The following PCDHA12 variants were observed in gnomAD, a reference collection of about 807,000 sequenced individuals.
The protein encoded by PCDHA12 is protocadherin alpha 12, also known as protocadherin alpha-12.
In PCDHA12, 44 loss-of-function variants were observed where a neutral mutation model predicts 60.0. The observed-to-expected ratio is 0.73, with a 90% confidence interval of 0.58 to 0.94. PCDHA12 has a LOEUF of 0.94. Among genes scored for constraint, PCDHA12 ranks in the 40% least tolerant of loss-of-function variants. The pLI, the probability that PCDHA12 is intolerant of heterozygous loss-of-function variation, is 0.00. For synonymous variants in PCDHA12, 569 were observed against 553.0 expected (o/e 1.03, Z -0.40); for missense variants, 1,276 against 1,239.7 (o/e 1.03, Z -0.44).
intron 1 of PCDHA12, among the ~76,000 whole-genome samples, chr5:140,878,533 CA>C (rs2057632489): frequency 6.6e-6 from 1 of 152,156 alleles, no homozygotes; most frequent in Admixed American, 6.5e-5. Context: ...AACTGTGGCT[CA>C]AACCAGTTTC....
intron 1 of PCDHA12, among the ~76,000 whole-genome samples, chr5:140,966,046 G>A (rs1329363755): frequency 6.6e-6 from 1 of 152,212 alleles, no homozygotes. Context: ...CCCATCGCCA[G>A]TAACCCCAGA....
At chr5:140,882,814 A>T in intron 1 of PCDHA12, 1 of 1,614,248 alleles carries the variant, frequency 6.2e-7, no homozygotes, top group East Asian at 2.2e-5. Context: ...CTTTGGACGC[A>T]CAAAACAGTC....
At chr5:140,925,643 T>TAATAATAATAAG (rs1195362666) in intron 1 of PCDHA12, among the ~76,000 whole-genome samples, 1 of 99,548 alleles carries the variant, frequency 1.0e-5, no homozygotes, top group Non-Finnish European at 2.0e-5. Context: ...ACTTAAAGTA[T>TAATAATAATAAG]AATAATAATA....
At chr5:140,978,782 A>C (rs782295456) in intron 1 of PCDHA12, 167 bp from the exon 2 acceptor site, 1 of 971,546 alleles carries the variant, frequency 1.0e-6, no homozygotes, top group African/African-American at 1.8e-5. Flanking sequence ...TTTTCTTCTA[A>C]AGTGCTATAT....
intron 1 of PCDHA12, chr5:140,929,903 C>T (rs11747154): frequency 0.12 from 17,815 of 152,352 alleles, 1,161 homozygotes; most frequent in Middle Eastern, 0.19. Context: ...ATCTTTAATA[C>T]GATATACCAT....
At chr5:140,887,369 T>C (rs782675531) in intron 1 of PCDHA12, among the ~76,000 whole-genome samples, 1 of 152,200 alleles carries the variant, frequency 6.6e-6, no homozygotes, top group Non-Finnish European at 1.5e-5. Context: ...GTGCTGGGAT[T>C]ACAGGTGTGA....
chr5:140,883,552 G>A, intron 1 of PCDHA12: 2 of 1,614,234 alleles, frequency 1.2e-6, no homozygotes, highest in South Asian at 1.1e-5. Flanking sequence ...TGACCGCGCG[G>A]GACGGGGGCT....
intron 1 of PCDHA12, among the ~76,000 whole-genome samples, chr5:140,945,632 A>G (rs1258111936): frequency 6.6e-6 from 1 of 152,168 alleles, no homozygotes; most frequent in African/African-American, 2.4e-5. Flanking sequence ...GGCATAAAAG[A>G]CATGTAGACC....
At chr5:140,917,352 C>G (rs2078160172) in intron 1 of PCDHA12, among the ~76,000 whole-genome samples, 1 of 141,764 alleles carries the variant, frequency 7.1e-6, no homozygotes, top group African/African-American at 2.6e-5. Context: ...GTGTAGGCTT[C>G]TGTTCCACTA....
chr5:140,946,271 A>G (rs2093916351), intron 1 of PCDHA12, among the ~76,000 whole-genome samples: 1 of 152,058 alleles, frequency 6.6e-6, no homozygotes, highest in Non-Finnish European at 1.5e-5. Context: ...GCGAATTAAA[A>G]CCCCAATGAG....
intron 1 of PCDHA12, among the ~76,000 whole-genome samples, chr5:140,889,804 G>A (rs940898112): frequency 1.3e-5 from 2 of 152,112 alleles, no homozygotes; most frequent in African/African-American, 2.4e-5. Context: ...TGGGATTTAT[G>A]AAGTCAGGTC....
intron 1 of PCDHA12, among the ~76,000 whole-genome samples, chr5:140,960,011 A>G (rs578052753): frequency 1.2e-4 from 18 of 152,350 alleles, no homozygotes; most frequent in Admixed American, 1.0e-3. Flanking sequence ...TCTATTTTGC[A>G]TCATGATTTT....
intron 1 of PCDHA12, among the ~76,000 whole-genome samples, chr5:140,894,375 T>G (rs1246573357): frequency 1.3e-5 from 2 of 152,054 alleles, no homozygotes; most frequent in Non-Finnish European, 2.9e-5. Context: ...ATGGCTCCAA[T>G]TATATTTGTA....
chr5:140,922,063 A>C (rs1324927848), intron 1 of PCDHA12, among the ~76,000 whole-genome samples: 2 of 152,190 alleles, frequency 1.3e-5, no homozygotes, highest in African/African-American at 4.8e-5. Context: ...AAATGTAGCA[A>C]TCCCACTAAG....
chr5:140,982,286 A>C, intron 2 of PCDHA12, 189 bp from the exon 3 acceptor site: 1 of 1,075,236 alleles, frequency 9.3e-7, no homozygotes, highest in Non-Finnish European at 1.3e-6. Flanking sequence ...GCAGGCAATA[A>C]GTAAGTCAGC....
At chr5:140,926,859 G>A in intron 1 of PCDHA12, 1 of 1,521,332 alleles carries the variant, frequency 6.6e-7, no homozygotes, top group Non-Finnish European at 8.8e-7. Context: ...CGTTGGTGTA[G>A]CGTGTTGGTG....
In PCDHA12 at chr5:140,875,854, G is replaced by C; in HGVS notation, c.382G>C (p.Asp128His). 6.2e-7 allele frequency: 1 copy of C among 1,614,160 alleles called. No homozygotes were observed. ...GGACGTGGAGGTGAAGGACATTAAC[G>C]ACAACCCGCCGGTGTTCAGAGAAAG... ...HVDVEVKDIN[D>H]NPPVFREREQ... Residue 128 changes from aspartate (D) to histidine (H), a missense_variant, in exon 1 of 4, where the codon GAC becomes CAC. Physicochemically the swap from Asp to His is moderately conservative, Grantham distance 81. Coordinates refer to ENST00000398631, the MANE Select transcript of PCDHA12 (RefSeq NM_018903.4).
chr5:140,882,542 C>A, intron 1 of PCDHA12: 5 of 1,614,166 alleles, frequency 3.1e-6, no homozygotes, highest in Non-Finnish European at 3.4e-6. Context: ...TCGGATCGAC[C>A]GCGAGGAGCT....
chr5:140,966,753 C>G, intron 1 of PCDHA12: 3 of 1,433,176 alleles, frequency 2.1e-6, no homozygotes, highest in South Asian at 1.5e-5. Flanking sequence ...CTGCCTCCGC[C>G]GCGGCCAGTG....
Sources: allele counts gnomAD v4.1 joint callset (sites outside exome capture counted in the v4.1 genomes callset), GRCh38; gene constraint gnomAD v4.1.1; transcripts MANE v1.5; gene names NCBI Gene and HGNC (gene_info 2026-07-23, HGNC 2026-07-21).